Variants in PTCHD4 observed in about 807,000 individuals in gnomAD.
The protein encoded by PTCHD4 is patched domain containing 4.
In PTCHD4, 33 loss-of-function variants were observed where a neutral mutation model predicts 58.1. The observed-to-expected ratio is 0.57, with a 90% CI of 0.43 to 0.76. The LOEUF (loss-of-function observed/expected upper bound fraction) is 0.76, where lower values mean the gene tolerates loss of function less well. Among genes scored for constraint, PTCHD4 ranks in the 30% least tolerant of loss-of-function variants. The pLI is 0.00. For missense variants in PTCHD4, 1,058 were observed against 1,027.1 expected, an observed-to-expected ratio of 1.03 and a Z score of -0.41; for synonymous variants, 478 against 409.6, an observed-to-expected ratio of 1.17 and a Z score of -2.02.
In PTCHD4 at chr6:47,864,536, A is replaced by G. The variant is rs191843420; in HGVS notation, c.*13767T>C. Among the ~76,000 whole-genome samples, 19 of 152,044 alleles carry G rather than the reference A, an allele frequency of 1.2e-4. No homozygotes were observed. Among genetic ancestry groups the G allele is most frequent in the African/African-American group, 4.6e-4 (19 of 41,532 alleles). On this transcript the variant is annotated 3_prime_UTR_variant, in exon 5 of 5. Coordinates refer to ENST00000339488, the MANE Select transcript of PTCHD4 (RefSeq NM_001384253.1). ...TTGAGTAAGCTACCTGGTGAAAGCC[A>G]TGACCCAAAGGGCATCGCATAAAGC...
intron 3 of PTCHD4, among the ~76,000 whole-genome samples, chr6:48,026,614 T>G (rs746643718): frequency 5.3e-5 from 8 of 152,068 alleles, no homozygotes; most frequent in Non-Finnish European, 1.2e-4. Context: ...GCTCCCTACA[T>G]TCACTGGGGC....
intron 1 of PTCHD4, among the ~76,000 whole-genome samples, chr6:48,077,546 T>C (rs1035611556): frequency 3.9e-5 from 6 of 152,376 alleles, no homozygotes; most frequent in Middle Eastern, 3.4e-3. Flanking sequence ...TCAAGGTTTT[T>C]ATCTGAAGCA....
intron 4 of PTCHD4, among the ~76,000 whole-genome samples, chr6:47,978,107 C>T (rs1489689203): frequency 2.6e-5 from 4 of 151,934 alleles, no homozygotes; most frequent in African/African-American, 7.3e-5. Flanking sequence ...TCATCCTTTC[C>T]CCCCTTCTCA....
At chr6:48,014,820 C>G (rs1208445436) in intron 3 of PTCHD4, among the ~76,000 whole-genome samples, 1 of 152,004 alleles carries the variant, frequency 6.6e-6, no homozygotes, top group African/African-American at 2.4e-5. Context: ...GAAGTTAAAC[C>G]TACTAAAGGG....
At chr6:47,943,000 T>G (rs1357447389) in intron 4 of PTCHD4, among the ~76,000 whole-genome samples, 1 of 152,204 alleles carries the variant, frequency 6.6e-6, no homozygotes, top group Non-Finnish European at 1.5e-5. Context: ...GCATAACCCC[T>G]CCGTATGCAG....
At chr6:48,070,253 T>C (rs1426086588) in intron 1 of PTCHD4, among the ~76,000 whole-genome samples, 2 of 152,134 alleles carry the variant, frequency 1.3e-5, no homozygotes, top group Admixed American at 6.5e-5. Flanking sequence ...AATGACTTCA[T>C]AGAAAAGATT....
At chr6:48,098,038 G>A (rs12333126) in intron 1 of PTCHD4, among the ~76,000 whole-genome samples, 27,594 of 151,998 alleles carry the variant, frequency 0.18, 2,754 homozygotes, top group African/African-American at 0.25. Flanking sequence ...CAGGTCTCAC[G>A]GCCTCAGTAA....
intron 3 of PTCHD4, among the ~76,000 whole-genome samples, chr6:48,020,915 A>G (rs1373855834): frequency 6.6e-6 from 1 of 152,078 alleles, no homozygotes; most frequent in East Asian, 1.9e-4. Flanking sequence ...TATTATCATT[A>G]CAAAATTTGA....
At chr6:47,914,677 C>CCTATCTAT (rs543163605) in intron 4 of PTCHD4, among the ~76,000 whole-genome samples, 1 of 124,098 alleles carries the variant, frequency 8.1e-6, no homozygotes, top group African/African-American at 2.7e-5. Flanking sequence ...TATAATAGAA[C>CCTATCTAT]CTATCTATCT....
At chr6:47,947,505 GT>G (rs898570499) in intron 4 of PTCHD4, among the ~76,000 whole-genome samples, 6 of 151,432 alleles carry the variant, frequency 4.0e-5, no homozygotes, top group Non-Finnish European at 7.4e-5. Context: ...ACTCAGTATA[GT>G]TTTGGTCTCA....
intron 4 of PTCHD4, among the ~76,000 whole-genome samples, chr6:47,887,644 C>T (rs1311480813): frequency 6.6e-6 from 1 of 152,166 alleles, no homozygotes; most frequent in African/African-American, 2.4e-5. Flanking sequence ...TGTTCTTTGA[C>T]AGGGTAGAAA....
At chr6:47,905,043 T>TCACACACACACACACACACACACA (rs70999653) in intron 4 of PTCHD4, among the ~76,000 whole-genome samples, 2 of 131,568 alleles carry the variant, frequency 1.5e-5, no homozygotes, top group Admixed American at 1.7e-4. Flanking sequence ...AATACAGCCA[T>TCACACACACACACACACACACACA]CACACACACA....
chr6:48,066,889 T>C (rs1764816132), intron 3 of PTCHD4, among the ~76,000 whole-genome samples: 1 of 151,968 alleles, frequency 6.6e-6, no homozygotes, highest in Middle Eastern at 3.2e-3. Flanking sequence ...AGGAAAAAGA[T>C]TTTTTCTCTC....
intron 1 of PTCHD4, among the ~76,000 whole-genome samples, chr6:48,108,635 A>T (rs930444350): frequency 1.3e-5 from 2 of 151,724 alleles, no homozygotes; most frequent in Non-Finnish European, 2.9e-5. Context: ...AAAAATAAAA[A>T]CTATTCTTTT....
At chr6:47,897,940 C>CTTTTTTTTTTTTTTTT (rs67063892) in intron 4 of PTCHD4, among the ~76,000 whole-genome samples, 24 of 76,360 alleles carry the variant, frequency 3.1e-4, no homozygotes, top group East Asian at 9.4e-4. Context: ...TTCTTTCTTT[C>CTTTTTTTTTTTTTTTT]TTTTTTTTTT....
At chr6:47,944,120 T>A (rs576400203) in intron 4 of PTCHD4, among the ~76,000 whole-genome samples, 1 of 152,178 alleles carries the variant, frequency 6.6e-6, no homozygotes, top group South Asian at 2.1e-4. Context: ...AATATCTCAC[T>A]GTTCTATGTT....
At chr6:47,936,049 C>T (rs1214723454) in intron 4 of PTCHD4, among the ~76,000 whole-genome samples, 2 of 152,086 alleles carry the variant, frequency 1.3e-5, no homozygotes, top group African/African-American at 4.8e-5. Flanking sequence ...AGAGGGAGAG[C>T]TTGTGAATCT....
rs1763334991 is a variant in PTCHD4, at chr6:47,857,693, T to G, written c.*20610A>C. Among the ~76,000 whole-genome samples, 1 of 152,006 alleles carries G rather than the reference T, an allele frequency of 6.6e-6. No homozygotes were observed. Among genetic ancestry groups the G allele is most frequent in the Non-Finnish European group, 1.5e-5 (1 of 67,978 alleles). On this transcript the variant is annotated 3_prime_UTR_variant, in exon 5 of 5. Transcript: ENST00000339488. ...GTATCCAAAACTAAGAGCTGTAAATTAGTTAATAGACTACTTATTTTCATT... is the reference window on the plus strand; with the variant it reads ...GTATCCAAAACTAAGAGCTGTAAATGAGTTAATAGACTACTTATTTTCATT...
At chr6:47,932,664 C>G (rs1343797534) in intron 4 of PTCHD4, among the ~76,000 whole-genome samples, 1 of 151,844 alleles carries the variant, frequency 6.6e-6, no homozygotes, top group African/African-American at 2.4e-5. Context: ...GTAAAGCTAC[C>G]GAAAAACACA....
Sources: allele counts gnomAD v4.1 joint callset (sites outside exome capture counted in the v4.1 genomes callset), GRCh38; gene constraint gnomAD v4.1.1; transcripts MANE v1.5; gene names NCBI Gene and HGNC (gene_info 2026-07-23, HGNC 2026-07-21).